The following TOP1 variants were observed in gnomAD, a reference collection of about 807,000 sequenced individuals.
TOP1 encodes the protein DNA topoisomerase 1.
Under a neutral mutation model 111.1 loss-of-function variants are expected in TOP1, and 10 were observed. The ratio of observed to expected loss-of-function variants is 0.09; its 90% CI spans 0.06 to 0.15. The LOEUF (loss-of-function observed/expected upper bound fraction) is 0.15, where lower values mean the gene tolerates loss of function less well. TOP1 is among the 10% of genes least tolerant of loss of function. The pLI is 1.00. For synonymous variants in TOP1, 271 were observed against 302.9 expected (o/e 0.89, Z 1.10); for missense variants, 474 against 926.7 (o/e 0.51, Z 6.34).
chr20:41,041,646 G>C (rs1259512021), intron 2 of TOP1, among the ~76,000 whole-genome samples: 4 of 151,932 alleles, frequency 2.6e-5, no homozygotes, highest in Admixed American at 2.6e-4. Context: ...GGGGATGATT[G>C]GTGAAAATAC....
In TOP1 at chr20:41,097,733, C is replaced by T. The variant is rs914998699; in HGVS notation, c.852+392C>T. Reference sequence around the variant, plus strand: ...GCTCATTTATTTTAGGTACTTTCTACTCTTGAAACCACATATACTATATTT... The same window carrying T: ...GCTCATTTATTTTAGGTACTTTCTATTCTTGAAACCACATATACTATATTT... On this transcript the variant is annotated intron_variant, in intron 10 of 20. Transcript: ENST00000361337. The surrounding 1 kb of genome is among the most constrained non-coding windows in gnomAD (Gnocchi z 4.2). Among the ~76,000 whole-genome samples, 3 of 152,210 alleles carry T rather than the reference C, an allele frequency of 2.0e-5. No individual in the cohort carries two copies. Among genetic ancestry groups the T allele is most frequent in the African/African-American group, 7.2e-5 (3 of 41,454 alleles).
In TOP1 at chr20:41,083,807, A is replaced by T. The variant is rs1424911392; in HGVS notation, c.508-655A>T. Among the ~76,000 whole-genome samples the T allele has an allele frequency of 1.3e-5, 2 of 152,158 alleles. No homozygotes were observed. The highest frequency in any genetic ancestry group is 2.9e-5 in the Non-Finnish European group (2 of 68,024). On this transcript the variant is annotated intron_variant, in intron 7 of 20. Transcript: ENST00000361337. This position sits in a 1 kb window ranked among gnomAD's most constrained non-coding sequence, Gnocchi z 7.2. ...GTTTTGTGTGTATGTTTTGAGATTC[A>T]TCTCCTGTATTGGTGAATTGTGCCT...
chr20:41,100,271 A>C lies in TOP1; in HGVS notation c.1163+28A>C, dbSNP rs746619113. On this transcript the variant is annotated intron_variant, in intron 12 of 20. Coordinates refer to ENST00000361337, the MANE Select transcript of TOP1 (RefSeq NM_003286.4). The surrounding 1 kb of genome is among the most constrained non-coding windows in gnomAD (Gnocchi z 4.4). ...GAGCTCGCACTTCATCCTATGGGCC[A>C]AAAAGGGGGTGGAGGGCGTCCTTTA... 1.3e-6 allele frequency: 2 copies of C among 1,583,686 alleles called. No homozygotes were observed. The highest frequency in any genetic ancestry group is 2.2e-5 in the East Asian group (1 of 44,546).
Position 41,035,170 on chromosome 20 carries a change from C to A in TOP1, c.58+5715C>A, listed in dbSNP as rs535120211. ...GCCTCTCAAAGTGCTGGGCATGAGC[C>A]ACTGTGCCTGACCCTTAATTTCTTT... On this transcript the variant is annotated intron_variant, in intron 2 of 20. Coordinates refer to ENST00000361337, the MANE Select transcript of TOP1 (RefSeq NM_003286.4). Among the ~76,000 whole-genome samples, 6 of 152,328 alleles carry A rather than the reference C, an allele frequency of 3.9e-5. No homozygotes were observed. The South Asian group carries it at 1.2e-3, about 32-fold the overall frequency.
At chr20:41,103,590 C>A (rs1289178153) in intron 13 of TOP1, among the ~76,000 whole-genome samples, 1 of 151,876 alleles carries the variant, frequency 6.6e-6, no homozygotes, top group African/African-American at 2.4e-5. Context: ...GGTACCTGAT[C>A]CAGCCTCTGG....
rs1018744739 is a variant in TOP1 at position 41,110,238 on chromosome 20, T to C, written c.1309-2544T>C. 3.3e-5 allele frequency among the ~76,000 whole-genome samples: 5 copies of C among 152,094 alleles called. No individual in the cohort carries two copies. The highest frequency in any genetic ancestry group is 9.7e-5 in the African/African-American group (4 of 41,388). ...GGGTAGAGGTTGCACTGAGCCGAGATTGCATCACTGTACTCCAGCCTGGTG... is the reference window on the plus strand; with the variant it reads ...GGGTAGAGGTTGCACTGAGCCGAGACTGCATCACTGTACTCCAGCCTGGTG... On this transcript the variant is annotated intron_variant, in intron 13 of 20. Transcript: ENST00000361337. The surrounding 1 kb of genome is among the most constrained non-coding windows in gnomAD (Gnocchi z 4.2).
At chr20:41,045,317 TTGA>T (rs2033319976) in intron 2 of TOP1, among the ~76,000 whole-genome samples, 1 of 152,120 alleles carries the variant, frequency 6.6e-6, no homozygotes. Flanking sequence ...ACGTGTGAAT[TTGA>T]TGTTATGAGT....
chr20:41,100,352 T>A lies in TOP1; in HGVS notation c.1163+109T>A. ...AGGACTGTTTGGGAAGGGAGATACT[T>A]AAGAGCAGGACAGTATTTCATGCGT... On this transcript the variant is annotated intron_variant, in intron 12 of 20. Coordinates refer to ENST00000361337, the MANE Select transcript of TOP1 (RefSeq NM_003286.4). The surrounding 1 kb of genome is among the most constrained non-coding windows in gnomAD (Gnocchi z 4.4). The A allele has an allele frequency of 1.1e-6, 1 of 888,124 alleles. No homozygotes were observed. The highest frequency in any genetic ancestry group is 1.7e-6 in the Non-Finnish European group (1 of 585,624). The allele number at this position is 888,124 out of a possible 1,614,324, so 55.0% of individuals were successfully genotyped here.
chr20:41,038,492 A>G (rs1042158168), intron 2 of TOP1, among the ~76,000 whole-genome samples: 1 of 152,158 alleles, frequency 6.6e-6, no homozygotes, highest in Non-Finnish European at 1.5e-5. Flanking sequence ...AAATTTGCAC[A>G]TATATCTATT....
At position 41,122,312 on chromosome 20, in the gene TOP1, G is replaced by C. The variant is rs2034435989; in HGVS notation, c.2195+157G>C. On this transcript the variant is annotated intron_variant, in intron 20 of 20. Transcript: ENST00000361337. This position sits in a 1 kb window ranked among gnomAD's most constrained non-coding sequence, Gnocchi z 5.4. The stretch of plus-strand genomic sequence containing the variant: ...CAGCTGTGTACAAGTTACTCTGGTT[G>C]CTGAACCTTGTCTGTAAATGCATTG... Among the ~76,000 whole-genome samples, 1 of 152,192 alleles carries C rather than the reference G, an allele frequency of 6.6e-6. No individual in the cohort carries two copies. The highest frequency in any genetic ancestry group is 2.4e-5 in the African/African-American group (1 of 41,450).
chr20:41,107,621 A>T (rs1432871919), intron 13 of TOP1, among the ~76,000 whole-genome samples: 2 of 152,034 alleles, frequency 1.3e-5, no homozygotes, highest in Non-Finnish European at 2.9e-5. Flanking sequence ...ACATCTTTTT[A>T]TGCATACTAA....
intron 9 of TOP1, among the ~76,000 whole-genome samples, chr20:41,096,183 C>T (rs2033979761): frequency 6.6e-6 from 1 of 152,212 alleles, no homozygotes; most frequent in Non-Finnish European, 1.5e-5. Context: ...TCTCATGCCT[C>T]AGCCTCCTGA....
intron 2 of TOP1, among the ~76,000 whole-genome samples, chr20:41,052,961 G>A (rs2033424109): frequency 1.3e-5 from 2 of 152,312 alleles, no homozygotes; most frequent in South Asian, 4.1e-4. Context: ...CTGCACTCCA[G>A]CCTGGACAGT....
At chr20:41,040,568 G>A (rs2033249643) in intron 2 of TOP1, among the ~76,000 whole-genome samples, 1 of 152,054 alleles carries the variant, frequency 6.6e-6, no homozygotes, top group Admixed American at 6.6e-5. Flanking sequence ...CCAGGGCCAG[G>A]CACCCCACAC....
chr20:41,099,087 C>T (rs2034022818), intron 11 of TOP1, among the ~76,000 whole-genome samples: 1 of 152,178 alleles, frequency 6.6e-6, no homozygotes, highest in Non-Finnish European at 1.5e-5. Context: ...TTAAGGAATT[C>T]TTTGCACTTC....
chr20:41,080,710 A>G lies in TOP1; in HGVS notation c.432-455A>G, dbSNP rs917700437. On this transcript the variant is annotated intron_variant, in intron 6 of 20. Coordinates refer to ENST00000361337, the MANE Select transcript of TOP1 (RefSeq NM_003286.4). This position sits in a 1 kb window ranked among gnomAD's most constrained non-coding sequence, Gnocchi z 5.0. ...TTGTTATAGTAGAAATTGGATGGAA[A>G]GGGAGAAGGGAAATACTTAGTGAAC... Among the ~76,000 whole-genome samples the G allele has an allele frequency of 6.6e-6, 1 of 152,214 alleles. No individual in the cohort carries two copies. Among genetic ancestry groups the G allele is most frequent in the Non-Finnish European group, 1.5e-5 (1 of 68,026 alleles).
Position 41,100,215 on chromosome 20 carries a change from C to G in TOP1, c.1135C>G (p.Pro379Ala). 1.2e-6 allele frequency: 2 copies of G among 1,613,720 alleles called. No homozygotes were observed. The highest frequency in any genetic ancestry group is 1.7e-6 in the Non-Finnish European group (2 of 1,179,816). The change falls in exon 12 of 21, where the codon CCC becomes GCC. Residue 379 changes from proline (P) to alanine (A), a missense_variant. Around this residue, in one of 14 missense-constraint regions of TOP1, gnomAD observed 22 missense variants for 30.4 expected, o/e 0.72. Coordinates refer to ENST00000361337, the MANE Select transcript of TOP1 (RefSeq NM_003286.4). This position sits in a 1 kb window ranked among gnomAD's most constrained non-coding sequence, Gnocchi z 4.4. ...KMGMLKRRIM[P>A]EDIIINCSKD... The stretch of plus-strand genomic sequence containing the variant: ...GGGCATGCTGAAGAGACGAATCATG[C>G]CCGAGGATATAATCATCAACTGTAG...
intron 2 of TOP1, among the ~76,000 whole-genome samples, chr20:41,031,637 G>C (rs1159143862): frequency 6.6e-6 from 1 of 152,168 alleles, no homozygotes; most frequent in African/African-American, 2.4e-5. Flanking sequence ...TGTAATCCTT[G>C]GAAGGACCCT....
chr20:41,062,931 G>A (rs554525766), intron 3 of TOP1, among the ~76,000 whole-genome samples: 10 of 151,956 alleles, frequency 6.6e-5, no homozygotes, highest in East Asian at 1.9e-4. Context: ...CTACTTTTCC[G>A]CTTTTAATTT....
Sources: gnomAD v4.1 joint callset for allele counts (sites outside exome capture counted in the v4.1 genomes callset) on GRCh38, gnomAD v4.1.1 for gene constraint, gnomAD v4.1.1 regional missense constraint, Gnocchi (gnomAD v3.1) non-coding constraint, MANE v1.5 for transcripts, NCBI Gene and HGNC (gene_info 2026-07-23, HGNC 2026-07-21) for gene names.